The following NECAB1 variants were observed in gnomAD, a reference collection of about 807,000 sequenced individuals.
NECAB1 encodes N-terminal EF-hand calcium-binding protein 1.
Under a neutral mutation model 57.5 loss-of-function variants are expected in NECAB1, and 29 were observed. That is an observed-to-expected ratio of 0.50 (90% CI 0.38 to 0.69). The LOEUF is 0.69. NECAB1 is among the 30% of genes least tolerant of loss of function. The pLI is 0.00. For synonymous variants in NECAB1, 142 were observed against 147.7 expected (o/e 0.96, Z 0.28); for missense variants, 372 against 413.8 (o/e 0.90, Z 0.88).
chr8:90,825,051 A>G (rs969860678), intron 3 of NECAB1: 4 of 307,516 alleles, frequency 1.3e-5, no homozygotes, highest in African/African-American at 8.6e-5. Flanking sequence ...AAGTGTTTTT[A>G]GATTGTTCCC....
chr8:90,953,235 G>C (rs1388147486), intron 12 of NECAB1, among the ~76,000 whole-genome samples: 1 of 152,188 alleles, frequency 6.6e-6, no homozygotes. Context: ...TTATCAGTGA[G>C]GGGGAAAATG....
chr8:90,941,727 A>T (rs1810674656), intron 10 of NECAB1, among the ~76,000 whole-genome samples: 1 of 152,116 alleles, frequency 6.6e-6, no homozygotes, highest in Non-Finnish European at 1.5e-5. Flanking sequence ...GCACAGATAG[A>T]ATTTCTGATA....
chr8:90,862,180 A>G (rs1808403407), intron 3 of NECAB1, among the ~76,000 whole-genome samples: 1 of 152,216 alleles, frequency 6.6e-6, no homozygotes, highest in Non-Finnish European at 1.5e-5. Flanking sequence ...TATGTTTTCA[A>G]GTAAATCAAA....
intron 2 of NECAB1, among the ~76,000 whole-genome samples, chr8:90,818,734 T>C (rs1367392727): frequency 2.6e-5 from 4 of 151,958 alleles, no homozygotes; most frequent in Non-Finnish European, 5.9e-5. Context: ...TGAGGGGAGA[T>C]TGATCCTCTT....
In NECAB1 at chr8:90,928,236, A is replaced by C; in HGVS notation, c.630A>C (p.Glu210Asp). The change falls in exon 8 of 13, where the codon GAA becomes GAC. Residue 210 changes from glutamate (E) to aspartate (D), a missense_variant. Glu to Asp is a conservative substitution (Grantham distance 45). Transcript: ENST00000417640. Reference sequence around the variant, plus strand: ...CCCTGGCCCCAGGCTTATTAGAAGAAGACAACCAGTGGATGACCCAGATAA... The same window carrying C: ...CCCTGGCCCCAGGCTTATTAGAAGACGACAACCAGTGGATGACCCAGATAA... ...FNVSGPGLLE[E>D]DNQWMTQINR... 2 of 1,609,238 alleles carry C rather than the reference A, an allele frequency of 1.2e-6. No homozygotes were observed. The highest frequency in any genetic ancestry group is 1.7e-6 in the Non-Finnish European group (2 of 1,177,550).
At chr8:90,828,440 A>G (rs974633061) in intron 3 of NECAB1, among the ~76,000 whole-genome samples, 1 of 152,056 alleles carries the variant, frequency 6.6e-6, no homozygotes, top group Non-Finnish European at 1.5e-5. Context: ...CCCAGGCACA[A>G]GCTTAAGCTC....
chr8:90,875,467 G>T (rs1266983874), intron 4 of NECAB1, among the ~76,000 whole-genome samples: 1 of 112,794 alleles, frequency 8.9e-6, no homozygotes, highest in African/African-American at 3.6e-5. Flanking sequence ...CGGCCTGGGC[G>T]ACAGAGCGAG....
intron 5 of NECAB1, among the ~76,000 whole-genome samples, chr8:90,906,889 A>ATATATATATATATATGTGTATATATATG (rs1563528252): frequency 1.4e-5 from 1 of 72,856 alleles, no homozygotes; most frequent in African/African-American, 5.7e-5. Context: ...ATATATATAT[A>ATATATATATATATATGTGTATATATATG]TATATATATA....
At chr8:90,930,493 GA>G (rs1810379559) in intron 8 of NECAB1, among the ~76,000 whole-genome samples, 1 of 152,142 alleles carries the variant, frequency 6.6e-6, no homozygotes, top group Non-Finnish European at 1.5e-5. Flanking sequence ...TTAGATGTTA[GA>G]AGGAGAGAAG....
intron 8 of NECAB1, among the ~76,000 whole-genome samples, chr8:90,931,889 G>C (rs1810415311): frequency 6.6e-6 from 1 of 151,082 alleles, no homozygotes; most frequent in Non-Finnish European, 1.5e-5. Context: ...GAGCGAAAGA[G>C]TAAAACTCCA....
intron 8 of NECAB1, 61 bp downstream of exon 8, chr8:90,928,360 C>G: frequency 1.6e-6 from 2 of 1,289,594 alleles, no homozygotes; most frequent in Non-Finnish European, 2.2e-6. Flanking sequence ...ACCTAATATT[C>G]CCCATTGCTT....
At chr8:90,949,773 A>C (rs1452498172) in intron 10 of NECAB1, 34 bp from the exon 11 acceptor site, 1 of 1,272,564 alleles carries the variant, frequency 7.9e-7, no homozygotes, top group Non-Finnish European at 1.1e-6. Flanking sequence ...TTTAATTTCC[A>C]GTAGCTAATT....
At chr8:90,929,013 A>G (rs1810344823) in intron 8 of NECAB1, among the ~76,000 whole-genome samples, 1 of 152,198 alleles carries the variant, frequency 6.6e-6, no homozygotes, top group African/African-American at 2.4e-5. Flanking sequence ...CAAGGGAGAA[A>G]CATTTATGTT....
chr8:90,881,765 A>G (rs1377817716), intron 5 of NECAB1, among the ~76,000 whole-genome samples: 1 of 152,204 alleles, frequency 6.6e-6, no homozygotes, highest in Non-Finnish European at 1.5e-5. Flanking sequence ...GTATTTCTTT[A>G]TAGCAATGAG....
chr8:90,862,318 T>C (rs978865433), intron 3 of NECAB1, among the ~76,000 whole-genome samples: 2 of 152,120 alleles, frequency 1.3e-5, no homozygotes, highest in Non-Finnish European at 2.9e-5. Flanking sequence ...GCTGTCCTTG[T>C]GTGGCTAGGT....
At chr8:90,854,180 G>A (rs1337304702) in intron 3 of NECAB1, among the ~76,000 whole-genome samples, 1 of 152,088 alleles carries the variant, frequency 6.6e-6, no homozygotes, top group Non-Finnish European at 1.5e-5. Flanking sequence ...TTGAACATTA[G>A]TTCTATTGGA....
chr8:90,791,818 C>A lies in NECAB1; in HGVS notation c.-69C>A. ...GGCGGCGGCGAAGCAGCAGCTGCGG[C>A]CGCGCCCTTGCCAGAGCCGGTGCGT... On this transcript the variant is annotated 5_prime_UTR_variant, in exon 1 of 13. Transcript: ENST00000417640. 1 of 1,314,468 alleles carries A rather than the reference C, an allele frequency of 7.6e-7. No individual in the cohort carries two copies. Among genetic ancestry groups the A allele is most frequent in the Non-Finnish European group, 1.1e-6 (1 of 945,958 alleles). The allele number at this position is 1,314,468 out of a possible 1,614,324, so 81.4% of individuals were successfully genotyped here. A position where few individuals can be genotyped will look rare whatever the true frequency, so the allele number is the denominator to read the frequency against.
chr8:90,896,233 A>T (rs1174931969), intron 5 of NECAB1, among the ~76,000 whole-genome samples: 1 of 152,240 alleles, frequency 6.6e-6, no homozygotes. Context: ...AGACATGTTT[A>T]AAAAGTTTGA....
intron 10 of NECAB1, among the ~76,000 whole-genome samples, chr8:90,945,064 A>G (rs1810766837): frequency 6.6e-6 from 1 of 151,436 alleles, no homozygotes; most frequent in African/African-American, 2.4e-5. Context: ...TGCCTGGCTA[A>G]TTTATTTATT....
Sources: gnomAD v4.1 joint callset for allele counts (sites outside exome capture counted in the v4.1 genomes callset) on GRCh38, gnomAD v4.1.1 for gene constraint, MANE v1.5 for transcripts, NCBI Gene and HGNC (gene_info 2026-07-23, HGNC 2026-07-21) for gene names.